The following DOK6 variants were observed in gnomAD, a reference collection of about 807,000 sequenced individuals.
The protein encoded by DOK6 is downstream of tyrosine kinase 6.
DOK6 carries 22 observed loss-of-function variants against 44.0 expected under a neutral mutation model. The observed-to-expected ratio is 0.50, with a 90% CI of 0.36 to 0.71. The LOEUF (loss-of-function observed/expected upper bound fraction) is 0.71, where lower values mean the gene tolerates loss of function less well. Among genes scored for constraint, DOK6 ranks in the 30% least tolerant of loss-of-function variants. The pLI is 0.00. For missense variants in DOK6, 340 were observed against 416.4 expected (o/e 0.82, Z 1.60); for synonymous variants, 166 against 145.5 (o/e 1.14, Z -1.01).
intron 1 of DOK6, among the ~76,000 whole-genome samples, chr18:69,547,170 G>C (rs1982430690): frequency 1.3e-5 from 2 of 151,482 alleles, no homozygotes; most frequent in Non-Finnish European, 3.0e-5. Context: ...GTGTGATCTT[G>C]GCTCACTGCA....
chr18:69,584,090 A>T lies in DOK6; in HGVS notation c.175-15294A>T, dbSNP rs563414916. 5.2e-3 allele frequency among the ~76,000 whole-genome samples: 724 copies of T among 140,550 alleles called. 5 individuals carry two copies. The highest frequency in any genetic ancestry group is 0.018 in the African/African-American group (700 of 38,284). The allele number at this position is 140,550 out of a possible 152,430, so 92.2% of individuals were successfully genotyped here. On this transcript the variant is annotated intron_variant, in intron 2 of 7. Coordinates refer to ENST00000382713, the MANE Select transcript of DOK6 (RefSeq NM_152721.6). ...GCCACTGCACTCCAGCCTGGGCAAC[A>T]CAGTGAGACTCCGTCTCAAAAAAAA... is the stretch of plus-strand genomic sequence containing the variant.
At chr18:69,713,691 C>A (rs986835860) in intron 5 of DOK6, among the ~76,000 whole-genome samples, 5 of 152,206 alleles carry the variant, frequency 3.3e-5, no homozygotes, top group African/African-American at 1.2e-4. Flanking sequence ...AAACTTGCAT[C>A]TGTACCTTCT....
At chr18:69,733,313 C>A (rs1865142492) in intron 5 of DOK6, among the ~76,000 whole-genome samples, 2 of 152,130 alleles carry the variant, frequency 1.3e-5, no homozygotes, top group South Asian at 2.1e-4. Flanking sequence ...TCACTTCACG[C>A]CCAATAAATA....
intron 3 of DOK6, among the ~76,000 whole-genome samples, chr18:69,627,486 T>C (rs1984583162): frequency 6.6e-6 from 1 of 152,178 alleles, no homozygotes; most frequent in Non-Finnish European, 1.5e-5. Context: ...TCTCGCTTTG[T>C]CCCCCAGGCT....
chr18:69,628,941 A>G (rs1345252932), intron 3 of DOK6, among the ~76,000 whole-genome samples: 1 of 152,228 alleles, frequency 6.6e-6, no homozygotes, highest in Non-Finnish European at 1.5e-5. Flanking sequence ...CAAGCCACAA[A>G]TATCAAGGCT....
chr18:69,418,384 C>T (rs181729384), intron 1 of DOK6, among the ~76,000 whole-genome samples: 1 of 152,130 alleles, frequency 6.6e-6, no homozygotes, highest in Non-Finnish European at 1.5e-5. Context: ...TTTATATTTT[C>T]ATCTAAGCCT....
At chr18:69,689,059 A>G (rs1214813170) in intron 4 of DOK6, among the ~76,000 whole-genome samples, 1 of 152,234 alleles carries the variant, frequency 6.6e-6, no homozygotes, top group Non-Finnish European at 1.5e-5. Context: ...TGCCATCAAA[A>G]AATTAAAAAT....
intron 1 of DOK6, among the ~76,000 whole-genome samples, chr18:69,455,002 A>G (rs1979585652): frequency 6.7e-6 from 1 of 149,156 alleles, no homozygotes; most frequent in Non-Finnish European, 1.5e-5. Flanking sequence ...TGGCACATGT[A>G]TACATATGTA....
At chr18:69,431,315 G>A (rs1322365120) in intron 1 of DOK6, among the ~76,000 whole-genome samples, 1 of 152,186 alleles carries the variant, frequency 6.6e-6, no homozygotes, top group Admixed American at 6.5e-5. Flanking sequence ...ACAGAGAGCT[G>A]TGTCCAGTTA....
intron 5 of DOK6, among the ~76,000 whole-genome samples, chr18:69,699,685 A>T (rs553162152): frequency 6.6e-6 from 1 of 152,346 alleles, no homozygotes; most frequent in South Asian, 2.1e-4. Context: ...CCATTGGGAA[A>T]TACAAATTCT....
intron 7 of DOK6, among the ~76,000 whole-genome samples, chr18:69,811,526 A>T (rs189011519): frequency 0.37 from 5,558 of 15,068 alleles, 216 homozygotes; most frequent in South Asian, 0.5. Flanking sequence ...CCATTCCATT[A>T]TATATATATA....
intron 1 of DOK6, among the ~76,000 whole-genome samples, chr18:69,502,083 A>G (rs1445770039): frequency 6.6e-6 from 1 of 152,166 alleles, no homozygotes; most frequent in African/African-American, 2.4e-5. Flanking sequence ...AAAATTAAAC[A>G]AAGTAATTAG....
intron 7 of DOK6, chr18:69,832,657 G>A (rs767916276): frequency 5.3e-5 from 8 of 151,748 alleles, no homozygotes; most frequent in Admixed American, 6.6e-5. Flanking sequence ...GCTTTTCTTT[G>A]GTGGAAGACT....
intron 2 of DOK6, among the ~76,000 whole-genome samples, chr18:69,576,068 T>C (rs1427864010): frequency 1.3e-5 from 2 of 152,294 alleles, no homozygotes; most frequent in Admixed American, 6.5e-5. Context: ...CCCTTTTTCT[T>C]CAGAAGTGTA....
intron 1 of DOK6, among the ~76,000 whole-genome samples, chr18:69,531,839 G>A (rs1025239060): frequency 9.2e-5 from 14 of 151,884 alleles, no homozygotes; most frequent in African/African-American, 2.2e-4. Context: ...TAAAAATGCC[G>A]AAGAGCCCTG....
rs140758098 is a variant in DOK6 at position 69,617,143 on chromosome 18, T to C, written c.289+17645T>C. On this transcript the variant is annotated intron_variant, in intron 3 of 7. Transcript: ENST00000382713. Reference sequence around the variant, plus strand: ...TTAGGAAGAGGTTTTTAAAATGCAATGTACTCTGGTATCACAAAACAGAGC... The same window carrying C: ...TTAGGAAGAGGTTTTTAAAATGCAACGTACTCTGGTATCACAAAACAGAGC... Among the ~76,000 whole-genome samples the C allele has an allele frequency of 4.8e-3, 734 of 151,958 alleles. 2 individuals carry two copies. Among genetic ancestry groups the C allele is most frequent in the African/African-American group, 0.017 (694 of 41,482 alleles).
intron 5 of DOK6, among the ~76,000 whole-genome samples, chr18:69,716,395 G>A (rs1159024897): frequency 6.6e-6 from 1 of 152,196 alleles, no homozygotes; most frequent in East Asian, 1.9e-4. Flanking sequence ...ATAATTAAAA[G>A]TGGCAAACTA....
At chr18:69,727,362 C>T (rs1198185514) in intron 5 of DOK6, among the ~76,000 whole-genome samples, 1 of 151,924 alleles carries the variant, frequency 6.6e-6, no homozygotes, top group East Asian at 1.9e-4. Flanking sequence ...CCTGTTCTAG[C>T]ACGTATCATT....
At chr18:69,700,352 T>C (rs1289000023) in intron 5 of DOK6, among the ~76,000 whole-genome samples, 1 of 151,852 alleles carries the variant, frequency 6.6e-6, no homozygotes, top group East Asian at 1.9e-4. Flanking sequence ...TATACCTATC[T>C]TCCTCTTTCT....
Sources: allele counts gnomAD v4.1 joint callset (sites outside exome capture counted in the v4.1 genomes callset), GRCh38; gene constraint gnomAD v4.1.1; transcripts MANE v1.5; gene names NCBI Gene and HGNC (gene_info 2026-07-23, HGNC 2026-07-21).